The following KIF1B variants were observed in gnomAD, a reference collection of about 807,000 sequenced individuals.
KIF1B encodes the protein kinesin family member 1B, also known as kinesin-like protein KIF1B.
KIF1B carries 76 observed loss-of-function variants against 241.9 expected under a neutral mutation model. The observed-to-expected ratio is 0.31, with a 90% CI of 0.26 to 0.38. KIF1B has a LOEUF of 0.38. Among genes scored for constraint, KIF1B ranks in the 10% least tolerant of loss-of-function variants. KIF1B has a pLI of 1.00. For missense variants in KIF1B, 1,622 were observed against 2,271.4 expected (o/e 0.71, Z 5.81); for synonymous variants, 750 against 796.7 (o/e 0.94, Z 0.99).
chr1:10,366,656 T>C (rs985798330), intron 43 of KIF1B, among the ~76,000 whole-genome samples: 2 of 152,140 alleles, frequency 1.3e-5, no homozygotes, highest in African/African-American at 4.8e-5. Context: ...GGCAGAAATA[T>C]GTTAAACAGG....
At chr1:10,318,427 C>A (rs944982699) in intron 22 of KIF1B, among the ~76,000 whole-genome samples, 1 of 151,460 alleles carries the variant, frequency 6.6e-6, no homozygotes, top group Non-Finnish European at 1.5e-5. Context: ...TGCTAGGGAA[C>A]CAAAAGAAGC....
intron 22 of KIF1B, among the ~76,000 whole-genome samples, chr1:10,299,667 T>C (rs994846195): frequency 1.3e-5 from 2 of 152,188 alleles, no homozygotes; most frequent in African/African-American, 4.8e-5. Flanking sequence ...GCTCATGAGT[T>C]TTCTATTCTG....
intron 5 of KIF1B, among the ~76,000 whole-genome samples, chr1:10,266,213 T>C (rs1648454681): frequency 6.6e-6 from 1 of 152,206 alleles, no homozygotes; most frequent in South Asian, 2.1e-4. Context: ...GGTTTGTTAC[T>C]TTACCATGAG....
At chr1:10,224,198 C>G (rs928273565) in intron 1 of KIF1B, among the ~76,000 whole-genome samples, 3 of 152,072 alleles carry the variant, frequency 2.0e-5, no homozygotes, top group Non-Finnish European at 4.4e-5. Context: ...CTCACTGCAA[C>G]CTCCGCCTCC....
At position 10,365,947 on chromosome 1, in the gene KIF1B, T is replaced by C. The variant is rs1405751148; in HGVS notation, c.4752+299T>C. On this transcript the variant is annotated intron_variant, in intron 43 of 48. Transcript: ENST00000676179. The surrounding 1 kb of genome is among the most constrained non-coding windows in gnomAD (Gnocchi z 4.0). The stretch of plus-strand genomic sequence containing the variant: ...ACCTTGTCTCTACAAAAACAAAAAT[T>C]AGGCCAGGCATGGTGGCTCACACCT... Among the ~76,000 whole-genome samples the C allele has an allele frequency of 6.6e-6, 1 of 152,072 alleles. No homozygotes were observed. The highest frequency in any genetic ancestry group is 2.4e-5 in the African/African-American group (1 of 41,396).
chr1:10,296,522 T>A, intron 19 of KIF1B, 60 bp from the exon 20 acceptor site: 3 of 1,376,992 alleles, frequency 2.2e-6, no homozygotes, highest in Non-Finnish European at 3.1e-6. Flanking sequence ...GCAACTGCTT[T>A]CCATTATTTG....
At chr1:10,296,560 A>G in intron 19 of KIF1B, 22 bp from the exon 20 acceptor site, 1 of 1,577,192 alleles carries the variant, frequency 6.3e-7, no homozygotes, top group Non-Finnish European at 8.7e-7. Context: ...TGATAACATT[A>G]GTTTGTGTTT....
At chr1:10,214,279 C>A (rs1002102655) in intron 1 of KIF1B, among the ~76,000 whole-genome samples, 1 of 150,864 alleles carries the variant, frequency 6.6e-6, no homozygotes, top group Non-Finnish European at 1.5e-5. Context: ...TTTACCACTT[C>A]TTTCTTTCTT....
At chr1:10,315,197 T>A (rs1408257506) in intron 22 of KIF1B, among the ~76,000 whole-genome samples, 1 of 136,168 alleles carries the variant, frequency 7.3e-6, no homozygotes, top group Non-Finnish European at 1.6e-5. Context: ...TTTTTTTTTT[T>A]AAGACGGAGT....
intron 1 of KIF1B, among the ~76,000 whole-genome samples, chr1:10,212,907 TATATATATATATATATATATATATAC>T (rs1646714341): frequency 5.1e-5 from 6 of 118,408 alleles, no homozygotes; most frequent in African/African-American, 1.7e-4. Context: ...TATATATATA[TATATATATATATATATATATATATAC>T]ACACACACAT....
chr1:10,306,867 A>G, intron 22 of KIF1B: 1 of 1,035,088 alleles, frequency 9.7e-7, no homozygotes, highest in South Asian at 4.6e-5. Context: ...AACATAGGGT[A>G]GGTCCATATA....
intron 18 of KIF1B, 54 bp from the exon 19 acceptor site, chr1:10,295,606 T>A: frequency 6.8e-7 from 1 of 1,476,174 alleles, no homozygotes; most frequent in Non-Finnish European, 9.5e-7. Flanking sequence ...GTTCATTGTT[T>A]GTAGTGCTTT....
Position 10,374,552 on chromosome 1 carries a change from G to A in KIF1B, c.5096+87G>A. 2 of 1,442,296 alleles carry A rather than the reference G, an allele frequency of 1.4e-6. No individual in the cohort carries two copies. The highest frequency in any genetic ancestry group is 2.1e-4 in the Middle Eastern group (1 of 4,756). 89.3% of individuals were successfully genotyped at this position (1,442,296 alleles called of 1,614,324 possible). A position where few individuals can be genotyped will look rare whatever the true frequency, so the allele number is the denominator to read the frequency against. On this transcript the variant is annotated intron_variant, in intron 46 of 48. Transcript: ENST00000676179. This position sits in a 1 kb window ranked among gnomAD's most constrained non-coding sequence, Gnocchi z 4.3. Reference sequence around the variant, plus strand: ...TGGCCAGCTCTTCCCTGTGAGGTCTGTACTGTAGTCTGATGCAATCTGTAC... The same window carrying A: ...TGGCCAGCTCTTCCCTGTGAGGTCTATACTGTAGTCTGATGCAATCTGTAC...
chr1:10,351,756 A>C (rs1421211973), intron 37 of KIF1B, among the ~76,000 whole-genome samples: 1 of 152,204 alleles, frequency 6.6e-6, no homozygotes, highest in African/African-American at 2.4e-5. Context: ...GTTTGAGCTC[A>C]GGAGTTCGAG....
At chr1:10,233,173 G>C (rs1487473877) in intron 2 of KIF1B, among the ~76,000 whole-genome samples, 1 of 152,124 alleles carries the variant, frequency 6.6e-6, no homozygotes. Context: ...GTGTAGAGGA[G>C]TCTACTGGTG....
chr1:10,341,960 A>T, intron 32 of KIF1B, 90 bp from the exon 33 acceptor site: 1 of 943,188 alleles, frequency 1.1e-6, no homozygotes, highest in Non-Finnish European at 1.7e-6. Flanking sequence ...TCAAAAAAAA[A>T]AAAAAAAACC....
intron 22 of KIF1B, chr1:10,307,651 C>T (rs907870370): frequency 4.7e-5 from 48 of 1,016,662 alleles, no homozygotes; most frequent in Non-Finnish European, 5.4e-5. Flanking sequence ...GCTTAAATAC[C>T]ACAAGGCCAA....
At chr1:10,324,119 TCAAG>T (rs2102299157) in intron 25 of KIF1B, 57 bp downstream of exon 25, 16 of 1,459,174 alleles carry the variant, frequency 1.1e-5, no homozygotes, top group Non-Finnish European at 1.3e-5. Flanking sequence ...AATGACCTGC[TCAAG>T]TGAGCTCCCT....
chr1:10,270,532 GATGTGAAC>G (rs1207870071), intron 7 of KIF1B, among the ~76,000 whole-genome samples: 12 of 152,316 alleles, frequency 7.9e-5, no homozygotes, highest in Non-Finnish European at 1.5e-4. Flanking sequence ...AAACGAAGCT[GATGTGAAC>G]ATTTGTGTAC....
Sources: gnomAD v4.1 joint callset for allele counts (sites outside exome capture counted in the v4.1 genomes callset) on GRCh38, gnomAD v4.1.1 for gene constraint, Gnocchi (gnomAD v3.1) non-coding constraint, MANE v1.5 for transcripts, NCBI Gene and HGNC (gene_info 2026-07-23, HGNC 2026-07-21) for gene names.